Variants in ZPBP observed in about 807,000 individuals in gnomAD.
ZPBP encodes zona pellucida binding protein.
Under a neutral mutation model 44.8 loss-of-function variants are expected in ZPBP, and 26 were observed. The ratio of observed to expected loss-of-function variants is 0.58; its 90% confidence interval spans 0.43 to 0.81. The LOEUF (loss-of-function observed/expected upper bound fraction) is 0.81, where lower values mean the gene tolerates loss of function less well. ZPBP is among the 30% of genes least tolerant of loss of function. ZPBP has a pLI of 0.00. For synonymous variants in ZPBP, 174 were observed against 153.2 expected, an observed-to-expected ratio of 1.14 and a Z score of -1.00; for missense variants, 409 against 434.0, an observed-to-expected ratio of 0.94 and a Z score of 0.51.
intron 6 of ZPBP, among the ~76,000 whole-genome samples, chr7:50,011,660 C>A (rs1470163408): frequency 6.6e-6 from 1 of 151,988 alleles, no homozygotes; most frequent in East Asian, 1.9e-4. Context: ...GTGTCTTTAA[C>A]CAAAACAGAA....
intron 1 of ZPBP, among the ~76,000 whole-genome samples, chr7:49,905,742 T>G (rs1341722983): frequency 6.6e-6 from 1 of 151,928 alleles, no homozygotes; most frequent in Non-Finnish European, 1.5e-5. Flanking sequence ...GTTAAGGCAT[T>G]CTAAGTCACG....
chr7:50,078,528 T>G (rs1177139520), intron 3 of ZPBP, among the ~76,000 whole-genome samples: 2 of 151,104 alleles, frequency 1.3e-5, no homozygotes, highest in Non-Finnish European at 3.0e-5. Flanking sequence ...ACACCTACTA[T>G]GTACCTAAAA....
chr7:49,973,492 T>A (rs1796381428), intron 7 of ZPBP, among the ~76,000 whole-genome samples: 1 of 151,788 alleles, frequency 6.6e-6, no homozygotes, highest in South Asian at 2.1e-4. Flanking sequence ...TAAAACTCAA[T>A]AACAAAAAAG....
At chr7:49,875,093 C>T (rs1038845957) in intron 2 of ZPBP, among the ~76,000 whole-genome samples, 24 of 151,654 alleles carry the variant, frequency 1.6e-4, no homozygotes, top group African/African-American at 5.3e-4. Context: ...AAAAATTGGC[C>T]GGGCACGGTG....
chr7:49,882,308 C>T (rs1162435329), intron 2 of ZPBP, among the ~76,000 whole-genome samples: 1 of 152,092 alleles, frequency 6.6e-6, no homozygotes, highest in Non-Finnish European at 1.5e-5. Context: ...GCCTTCCTCA[C>T]TTTATAATGT....
intron 5 of ZPBP, among the ~76,000 whole-genome samples, chr7:50,021,822 A>G (rs186003764): frequency 6.6e-6 from 1 of 152,130 alleles, no homozygotes; most frequent in Non-Finnish European, 1.5e-5. Flanking sequence ...CCCTTCCCAC[A>G]TGCCTTGCCC....
At chr7:49,890,439 T>TAA (rs1792078836) in intron 2 of ZPBP, among the ~76,000 whole-genome samples, 1 of 152,208 alleles carries the variant, frequency 6.6e-6, no homozygotes, top group Non-Finnish European at 1.5e-5. Flanking sequence ...CATAATATGC[T>TAA]GTTTGACTTT....
chr7:50,029,378 CAGA>C (rs1178469247), intron 5 of ZPBP, among the ~76,000 whole-genome samples: 2 of 152,232 alleles, frequency 1.3e-5, no homozygotes, highest in East Asian at 3.9e-4. Context: ...GCTAAAACTA[CAGA>C]AGGAGTAAAT....
At chr7:49,912,199 C>G in intron 1 of ZPBP, 1 of 1,613,010 alleles carries the variant, frequency 6.2e-7, no homozygotes, top group Non-Finnish European at 8.5e-7. Context: ...CTTCCCAGAA[C>G]ACAAACTCTG....
intron 2 of ZPBP, among the ~76,000 whole-genome samples, chr7:49,857,496 G>A (rs144218576): frequency 2.6e-5 from 4 of 152,212 alleles, no homozygotes; most frequent in African/African-American, 9.6e-5. Context: ...TAACATGGGA[G>A]TGTAGATATC....
At chr7:49,979,787 T>G (rs1481405083) in intron 7 of ZPBP, among the ~76,000 whole-genome samples, 14 of 140,350 alleles carry the variant, frequency 1.0e-4, no homozygotes, top group African/African-American at 3.4e-4. Flanking sequence ...GGTATTTCTA[T>G]GTTTTTCTTT....
intron 6 of ZPBP, among the ~76,000 whole-genome samples, chr7:50,015,294 A>C (rs1798772731): frequency 6.6e-6 from 1 of 152,154 alleles, no homozygotes; most frequent in South Asian, 2.1e-4. Context: ...CTTGTACTCA[A>C]AGCTTCATTG....
At chr7:49,983,614 CAA>C in intron 6 of ZPBP, 95 bp from the exon 7 acceptor site, 1 of 755,152 alleles carries the variant, frequency 1.3e-6, no homozygotes, top group South Asian at 1.8e-5. Flanking sequence ...TTAAAGAAAA[CAA>C]AGTCTCAAGG....
rs143467285 is a variant in ZPBP, at chr7:49,958,591, G to T, written c.962-20969C>A. Among the ~76,000 whole-genome samples the T allele has an allele frequency of 5.9e-5, 9 of 152,252 alleles. No individual in the cohort carries two copies. In the East Asian group the frequency reaches 1.7e-3, roughly 29 times the overall value. On this transcript the variant is annotated intron_variant, in intron 7 of 7. Coordinates refer to ENST00000046087, the MANE Select transcript of ZPBP (RefSeq NM_007009.3). The stretch of plus-strand genomic sequence containing the variant: ...CACAGGAAGGAGGCCCTCATCAGAC[G>T]CCAGACCCTTGATCTTAGACTTCCC...
At chr7:49,852,301 A>G (rs988108202) in intron 2 of ZPBP, among the ~76,000 whole-genome samples, 1 of 152,186 alleles carries the variant, frequency 6.6e-6, no homozygotes, top group Non-Finnish European at 1.5e-5. Flanking sequence ...GTGCTCTTCA[A>G]GGACCAAGGA....
downstream of ZPBP, among the ~76,000 whole-genome samples, chr7:49,934,531 A>T (rs1794561234): frequency 6.6e-6 from 1 of 152,136 alleles, no homozygotes; most frequent in South Asian, 2.1e-4. Context: ...AAATGTATAC[A>T]ATATGGATAA....
At chr7:49,995,558 A>C (rs1025798118) in intron 6 of ZPBP, among the ~76,000 whole-genome samples, 1 of 152,262 alleles carries the variant, frequency 6.6e-6, no homozygotes, top group Non-Finnish European at 1.5e-5. Context: ...GGAGAGATAA[A>C]TGCGGATCAC....
At chr7:49,876,200 G>A (rs1420759650) in intron 2 of ZPBP, among the ~76,000 whole-genome samples, 1 of 152,140 alleles carries the variant, frequency 6.6e-6, no homozygotes, top group Non-Finnish European at 1.5e-5. Flanking sequence ...CACAGGTTGG[G>A]TAAATCACGT....
At chr7:49,940,760 C>G (rs1794843365) in intron 7 of ZPBP, 8 of 985,064 alleles carry the variant, frequency 8.1e-6, no homozygotes. Context: ...AGATTCCATC[C>G]TACACAACTG....
Sources: gnomAD v4.1 joint callset for allele counts (sites outside exome capture counted in the v4.1 genomes callset) on GRCh38, gnomAD v4.1.1 for gene constraint, MANE v1.5 for transcripts, NCBI Gene and HGNC (gene_info 2026-07-23, HGNC 2026-07-21) for gene names.